Variants in ACOT1 observed in about 807,000 individuals in gnomAD.
ACOT1 encodes acyl-CoA thioesterase 1.
ACOT1 carries 8 observed loss-of-function variants against 15.7 expected under a neutral mutation model. The observed-to-expected ratio is 0.51, with a 90% confidence interval of 0.30 to 0.92. The LOEUF is 0.92. Among genes scored for constraint, ACOT1 ranks in the 40% least tolerant of loss-of-function variants. The pLI is 0.06. For synonymous variants in ACOT1, 67 were observed against 241.2 expected (o/e 0.28, Z 6.69); for missense variants, 151 against 539.4 (o/e 0.28, Z 7.13).
At chr14:73,491,478 A>C in the ACOT1 span, 1 of 1,495,256 alleles carries the variant, frequency 6.7e-7, no homozygotes, top group Non-Finnish European at 8.9e-7. Context: ...ACCGCGCAAC[A>C]CTTAGCGGCC....
the ACOT1 span, chr14:73,495,401 AAT>A: frequency 6.2e-7 from 1 of 1,605,182 alleles, no homozygotes; most frequent in South Asian, 1.1e-5. Context: ...AATTAGAACA[AAT>A]AATGTTTGAA....
upstream of ACOT1, among the ~76,000 whole-genome samples, chr14:73,535,329 T>A (rs1208022248): frequency 1.8e-5 from 2 of 113,982 alleles, 1 homozygote; most frequent in Non-Finnish European, 3.8e-5. Context: ...AGTTTATATA[T>A]CCACCAATAT....
the ACOT1 span, chr14:73,503,043 T>C: frequency 8.1e-6 from 12 of 1,486,114 alleles, no homozygotes; most frequent in Non-Finnish European, 1.1e-5. Flanking sequence ...TTAGGTATCA[T>C]CACTTAATGA....
chr14:73,522,506 C>T, the ACOT1 span: 17 of 1,614,076 alleles, frequency 1.1e-5, no homozygotes, highest in Admixed American at 5.0e-5. Context: ...CTGGATCCAT[C>T]GGGCTGTGCG....
At chr14:73,492,130 G>A in the ACOT1 span, 4 of 1,613,812 alleles carry the variant, frequency 2.5e-6, no homozygotes, top group South Asian at 3.3e-5. The surrounding 1 kb of genome is among the most constrained non-coding windows in gnomAD (Gnocchi z 4.9). Flanking sequence ...AACTGGCTCT[G>A]ACATCCAGCC....
the ACOT1 span, chr14:73,502,974 A>C: frequency 6.2e-7 from 1 of 1,614,042 alleles, no homozygotes; most frequent in South Asian, 1.1e-5. Context: ...TCCTTATTCC[A>C]GTCATTCCAC....
the ACOT1 span, among the ~76,000 whole-genome samples, chr14:73,511,822 T>A: frequency 1.3e-5 from 2 of 152,218 alleles, no homozygotes; most frequent in Non-Finnish European, 2.9e-5. Flanking sequence ...ATTACTGGAC[T>A]AGAAGTCTGG....
the ACOT1 span, chr14:73,509,276 A>G: frequency 5.0e-4 from 807 of 1,600,356 alleles, 9 homozygotes; most frequent in East Asian, 0.013. Context: ...TGTCTATCCC[A>G]TATTTCCAGG....
the ACOT1 span, among the ~76,000 whole-genome samples, chr14:73,493,700 T>TAGTG: frequency 2.6e-5 from 4 of 152,072 alleles, no homozygotes; most frequent in African/African-American, 9.7e-5. Context: ...TAGCCAGGCA[T>TAGTG]AGTGGTGCGT....
At chr14:73,524,475 T>A in the ACOT1 span, among the ~76,000 whole-genome samples, 84 of 151,220 alleles carry the variant, frequency 5.6e-4, no homozygotes, top group African/African-American at 9.0e-4. Context: ...AGTTTAGTTT[T>A]GTTTTGTTTT....
At chr14:73,509,848 A>ATT in the ACOT1 span, among the ~76,000 whole-genome samples, 9 of 69,334 alleles carry the variant, frequency 1.3e-4, 1 homozygote, top group African/African-American at 5.3e-4. Context: ...ATATATATAT[A>ATT]TATATATATA....
chr14:73,531,309 C>T, the ACOT1 span: 1 of 112,256 alleles, frequency 8.9e-6, no homozygotes, highest in Admixed American at 1.0e-4. Context: ...TGGGTTCAGT[C>T]GGGGGTATAT....
chr14:73,542,427 C>T (rs1288483249), intron 2 of ACOT1, among the ~76,000 whole-genome samples: 2 of 86,484 alleles, frequency 2.3e-5, no homozygotes, highest in African/African-American at 8.4e-5. Flanking sequence ...TTTTTTAAGA[C>T]GGAGTCTTGC....
chr14:73,495,124 C>G, the ACOT1 span: 1 of 951,548 alleles, frequency 1.1e-6, no homozygotes, highest in Non-Finnish European at 1.6e-6. Flanking sequence ...CCTTTCCTGA[C>G]TCTTTCATCC....
At chr14:73,508,859 T>C in the ACOT1 span, among the ~76,000 whole-genome samples, 6 of 152,102 alleles carry the variant, frequency 3.9e-5, no homozygotes. Flanking sequence ...TTTTCCTTTT[T>C]TTTAGAGACA....
chr14:73,517,882 A>G, the ACOT1 span, among the ~76,000 whole-genome samples: 3 of 151,910 alleles, frequency 2.0e-5, no homozygotes, highest in South Asian at 6.2e-4. Context: ...AGGTCAAGAG[A>G]TCAAGACCAT....
At chr14:73,518,412 GAAA>G in the ACOT1 span, among the ~76,000 whole-genome samples, 1 of 108,774 alleles carries the variant, frequency 9.2e-6, no homozygotes, top group South Asian at 2.9e-4. Context: ...TCCAAAAAAA[GAAA>G]AAAAAAAAAA....
the ACOT1 span, chr14:73,492,780 A>AC: frequency 1.2e-6 from 2 of 1,613,796 alleles, no homozygotes; most frequent in Non-Finnish European, 1.7e-6. The surrounding 1 kb of genome is among the most constrained non-coding windows in gnomAD (Gnocchi z 4.9). Flanking sequence ...TTGGAAATAT[A>AC]CCCCCAGCAA....
At chr14:73,491,736 G>A in the ACOT1 span, 1 of 1,554,332 alleles carries the variant, frequency 6.4e-7, no homozygotes, top group South Asian at 1.2e-5. Flanking sequence ...TACTACCAGG[G>A]ACTTTTCTCT....
Sources: gnomAD v4.1 joint callset for allele counts (sites outside exome capture counted in the v4.1 genomes callset) on GRCh38, gnomAD v4.1.1 for gene constraint, Gnocchi (gnomAD v3.1) non-coding constraint, MANE v1.5 for transcripts, NCBI Gene and HGNC (gene_info 2026-07-23, HGNC 2026-07-21) for gene names.